PDE3B: variants seen among roughly 807,000 people sequenced by gnomAD.
The protein encoded by PDE3B is phosphodiesterase 3B, also known as cGMP-inhibited 3',5'-cyclic phosphodiesterase 3B.
Under a neutral mutation model 116.8 loss-of-function variants are expected in PDE3B, and 66 were observed. That is an observed-to-expected ratio of 0.56 (90% CI 0.46 to 0.69). The LOEUF (loss-of-function observed/expected upper bound fraction) is 0.69. Ranked by LOEUF, PDE3B falls within the 30% of genes least tolerant of loss-of-function variation. The pLI, the probability that PDE3B is intolerant of heterozygous loss-of-function variation, is 0.00. For missense variants in PDE3B, 1,384 were observed against 1,368.1 expected (o/e 1.01, Z -0.18); for synonymous variants, 595 against 533.6 (o/e 1.12, Z -1.59).
chr11:14,674,027 T>G, intron 1 of PDE3B: 1 of 1,468,866 alleles, frequency 6.8e-7, no homozygotes, highest in South Asian at 1.1e-5. Context: ...TGTTTTCGTC[T>G]GGTAATTAAG....
intron 4 of PDE3B, among the ~76,000 whole-genome samples, chr11:14,799,910 A>C (rs1483519320): frequency 7.2e-5 from 11 of 152,102 alleles, no homozygotes; most frequent in Non-Finnish European, 8.8e-5. Flanking sequence ...TGTGTATTTT[A>C]ATTGAGGCAT....
At chr11:14,653,458 G>A (rs996817963) in intron 1 of PDE3B, among the ~76,000 whole-genome samples, 2 of 152,004 alleles carry the variant, frequency 1.3e-5, no homozygotes, top group Non-Finnish European at 1.5e-5. Context: ...ATCCGCCCTC[G>A]GGAGGCTGAG....
chr11:14,709,631 T>G (rs1455683163), intron 1 of PDE3B, among the ~76,000 whole-genome samples: 1 of 152,182 alleles, frequency 6.6e-6, no homozygotes, highest in African/African-American at 2.4e-5. Flanking sequence ...TGGCTGGTGG[T>G]TCAAATTTGG....
the PDE3B span, among the ~76,000 whole-genome samples, chr11:14,881,316 A>C: frequency 6.6e-6 from 1 of 152,096 alleles, no homozygotes; most frequent in African/African-American, 2.4e-5. Context: ...TGAAGTCAAA[A>C]AAAGGGCAAA....
At chr11:14,691,122 A>G (rs1855030651) in intron 1 of PDE3B, among the ~76,000 whole-genome samples, 1 of 152,186 alleles carries the variant, frequency 6.6e-6, no homozygotes, top group Non-Finnish European at 1.5e-5. Flanking sequence ...AGAATTCAGT[A>G]AAGGTGATTT....
chr11:14,646,658 G>T (rs546486226), intron 1 of PDE3B, among the ~76,000 whole-genome samples: 3 of 152,242 alleles, frequency 2.0e-5, no homozygotes, highest in Middle Eastern at 6.8e-3. Flanking sequence ...GAACTTAACA[G>T]TTACAGTTTA....
intron 4 of PDE3B, among the ~76,000 whole-genome samples, chr11:14,798,955 AT>A (rs1428352463): frequency 1.3e-5 from 2 of 151,870 alleles, no homozygotes; most frequent in African/African-American, 4.8e-5. Flanking sequence ...GATCTTAGTT[AT>A]TTCTTGCCTT....
chr11:14,839,736 C>T (rs756173697), intron 11 of PDE3B, among the ~76,000 whole-genome samples: 1 of 152,168 alleles, frequency 6.6e-6, no homozygotes, highest in African/African-American at 2.4e-5. Context: ...CTGTTATAAT[C>T]TAGTCTGTTC....
intron 1 of PDE3B, among the ~76,000 whole-genome samples, chr11:14,715,314 G>C (rs985308138): frequency 6.6e-6 from 1 of 152,152 alleles, no homozygotes. Context: ...TTGGTAGCTT[G>C]ATGGGGATGG....
the PDE3B span, chr11:14,891,846 C>A: frequency 7.1e-7 from 1 of 1,411,920 alleles, no homozygotes; most frequent in Non-Finnish European, 9.4e-7. Context: ...AGCGGGTGTC[C>A]CTCAAAGGGC....
intron 1 of PDE3B, among the ~76,000 whole-genome samples, chr11:14,645,731 C>T (rs1565070446): frequency 6.6e-6 from 1 of 151,632 alleles, no homozygotes; most frequent in Non-Finnish European, 1.5e-5. Flanking sequence ...GGAAAGATGC[C>T]AAAAGCATTT....
chr11:14,877,353 G>C, the PDE3B span: 1 of 152,154 alleles, frequency 6.6e-6, no homozygotes, highest in Non-Finnish European at 1.5e-5. Flanking sequence ...AAAGATATAA[G>C]TGAATTCGAT....
chr11:14,883,421 T>C, the PDE3B span, among the ~76,000 whole-genome samples: 1 of 151,938 alleles, frequency 6.6e-6, no homozygotes, highest in Non-Finnish European at 1.5e-5. Context: ...CTGAGAAAAA[T>C]AAGCAATGGG....
rs1848123752 is a variant in PDE3B at position 14,870,402 on chromosome 11, A to G, written c.*742A>G. The G allele has an allele frequency of 6.6e-6, 1 of 152,626 alleles. No homozygotes were observed. Among genetic ancestry groups the G allele is most frequent in the Admixed American group, 6.5e-5 (1 of 15,274 alleles). The allele number at this position is 152,626 out of a possible 1,614,324, so 9.5% of individuals were successfully genotyped here. The stretch of plus-strand genomic sequence containing the variant: ...CTTATGTTCCATGGCTGAATTTTAA[A>G]GCTGTTTAGGTTTAACAATGAAGGG... On this transcript the variant is annotated 3_prime_UTR_variant, in exon 16 of 16. Transcript: ENST00000282096. The surrounding 1 kb of genome is among the most constrained non-coding windows in gnomAD (Gnocchi z 4.1).
chr11:14,667,728 A>G (rs1259748917), intron 1 of PDE3B, among the ~76,000 whole-genome samples: 2 of 151,660 alleles, frequency 1.3e-5, no homozygotes, highest in Non-Finnish European at 2.9e-5. Flanking sequence ...TAGGAGATAT[A>G]CCTAATGCTA....
intron 11 of PDE3B, among the ~76,000 whole-genome samples, chr11:14,841,819 C>T (rs978618358): frequency 2.2e-5 from 3 of 134,942 alleles, no homozygotes; most frequent in Non-Finnish European, 4.6e-5. Flanking sequence ...CATGAGCCAC[C>T]GTGCCTGGCC....
intron 1 of PDE3B, among the ~76,000 whole-genome samples, chr11:14,752,826 A>G (rs1309998858): frequency 1.3e-5 from 2 of 151,750 alleles, no homozygotes; most frequent in Non-Finnish European, 2.9e-5. Context: ...CCCATTCTTA[A>G]TCTTTTTTCT....
intron 2 of PDE3B, among the ~76,000 whole-genome samples, chr11:14,783,624 G>T (rs1858099882): frequency 6.6e-6 from 1 of 152,076 alleles, no homozygotes; most frequent in Admixed American, 6.6e-5. Flanking sequence ...TGGGGGAGTG[G>T]GGAGGGATAG....
At chr11:14,663,812 A>G (rs558024739) in intron 1 of PDE3B, among the ~76,000 whole-genome samples, 9 of 152,330 alleles carry the variant, frequency 5.9e-5, no homozygotes, top group Admixed American at 6.5e-5. Flanking sequence ...CTCCCACACA[A>G]TAATAATGGG....
Sources: allele counts gnomAD v4.1 joint callset (sites outside exome capture counted in the v4.1 genomes callset), GRCh38; gene constraint gnomAD v4.1.1; non-coding constraint Gnocchi (gnomAD v3.1); transcripts MANE v1.5; gene names NCBI Gene and HGNC (gene_info 2026-07-23, HGNC 2026-07-21).